Variants in TDRD3 observed in about 807,000 individuals in gnomAD.
The protein encoded by TDRD3 is tudor domain containing 3, also known as tudor domain-containing protein 3.
A neutral mutation model predicts 86.7 loss-of-function variants in TDRD3; 45 were observed. The observed-to-expected ratio is 0.52, with a 90% CI of 0.41 to 0.67. The LOEUF is 0.67. Among genes scored for constraint, TDRD3 ranks in the 30% least tolerant of loss-of-function variants. TDRD3 has a pLI of 0.00. For missense variants in TDRD3, 814 were observed against 889.0 expected, an observed-to-expected ratio of 0.92 and a Z score of 1.07; for synonymous variants, 298 against 301.7, an observed-to-expected ratio of 0.99 and a Z score of 0.13.
At chr13:60,487,439 G>C (rs2137523814) in intron 7 of TDRD3, among the ~76,000 whole-genome samples, 1 of 152,188 alleles carries the variant, frequency 6.6e-6, no homozygotes, top group East Asian at 1.9e-4. Context: ...TTGCACCATT[G>C]CGCTCCAGCC....
At chr13:60,470,486 T>C (rs1210107028) in intron 5 of TDRD3, among the ~76,000 whole-genome samples, 3 of 152,198 alleles carry the variant, frequency 2.0e-5, no homozygotes, top group Non-Finnish European at 4.4e-5. Flanking sequence ...ACCAGGATAT[T>C]ACAGGGGTTC....
At chr13:60,532,711 C>T (rs1329823056) in intron 11 of TDRD3, among the ~76,000 whole-genome samples, 2 of 152,148 alleles carry the variant, frequency 1.3e-5, no homozygotes, top group Admixed American at 1.3e-4. Context: ...GAAAGTTCTT[C>T]TTCCTGTAGA....
At chr13:60,544,694 G>A (rs1957898595) in intron 12 of TDRD3, among the ~76,000 whole-genome samples, 1 of 152,026 alleles carries the variant, frequency 6.6e-6, no homozygotes, top group Non-Finnish European at 1.5e-5. Flanking sequence ...ACTCTTATTA[G>A]TACTTAACTG....
At chr13:60,555,370 C>A (rs1343274209) in intron 12 of TDRD3, among the ~76,000 whole-genome samples, 1 of 152,158 alleles carries the variant, frequency 6.6e-6, no homozygotes, top group East Asian at 1.9e-4. Flanking sequence ...GTGCTTGACA[C>A]CATGTATAAC....
chr13:60,537,165 T>C (rs772776009), intron 12 of TDRD3: 1 of 152,130 alleles, frequency 6.6e-6, no homozygotes, highest in Non-Finnish European at 1.5e-5. Context: ...CTAAATCTTT[T>C]GGAGATTCTG....
intron 10 of TDRD3, among the ~76,000 whole-genome samples, chr13:60,526,513 A>C (rs1343755451): frequency 6.6e-6 from 1 of 152,126 alleles, no homozygotes; most frequent in East Asian, 1.9e-4. Flanking sequence ...CAGAAACTAA[A>C]AGTGACCATT....
At chr13:60,507,421 A>G (rs1397097675) in intron 8 of TDRD3, among the ~76,000 whole-genome samples, 1 of 152,132 alleles carries the variant, frequency 6.6e-6, no homozygotes, top group Non-Finnish European at 1.5e-5. Flanking sequence ...TCATACTTTA[A>G]AATTGACCAC....
At chr13:60,500,674 C>T (rs779837992) in intron 8 of TDRD3, among the ~76,000 whole-genome samples, 27 of 152,170 alleles carry the variant, frequency 1.8e-4, no homozygotes, top group Non-Finnish European at 3.8e-4. Context: ...GATTTATGGG[C>T]TGTAGCCAAT....
chr13:60,495,850 G>A (rs1454846341), intron 8 of TDRD3, among the ~76,000 whole-genome samples: 1 of 152,058 alleles, frequency 6.6e-6, no homozygotes, highest in Non-Finnish European at 1.5e-5. Flanking sequence ...GTTTGTGGAG[G>A]GTCAGAATCT....
chr13:60,525,166 CTTTTT>C (rs71199006), intron 10 of TDRD3, among the ~76,000 whole-genome samples: 1 of 56,092 alleles, frequency 1.8e-5, no homozygotes, highest in Non-Finnish European at 3.2e-5. Flanking sequence ...TAAGGGAATT[CTTTTT>C]TTTTTTTTTT....
intron 1 of TDRD3, among the ~76,000 whole-genome samples, chr13:60,420,589 T>C (rs532216825): frequency 6.6e-6 from 1 of 152,242 alleles, no homozygotes; most frequent in East Asian, 1.9e-4. Flanking sequence ...TTCAGGTATT[T>C]CAGTGACATT....
intron 2 of TDRD3, among the ~76,000 whole-genome samples, chr13:60,442,467 A>G (rs1487782842): frequency 6.6e-6 from 1 of 151,876 alleles, no homozygotes; most frequent in Admixed American, 6.6e-5. Context: ...TTACAGGCTA[A>G]AAGTTTTCCT....
intron 10 of TDRD3, among the ~76,000 whole-genome samples, chr13:60,524,008 G>C (rs897649104): frequency 6.6e-6 from 1 of 151,024 alleles, no homozygotes; most frequent in Non-Finnish European, 1.5e-5. Context: ...AAAATGTGAT[G>C]CATTGTACTC....
At chr13:60,454,212 A>G (rs1408740869) in intron 3 of TDRD3, among the ~76,000 whole-genome samples, 1 of 152,108 alleles carries the variant, frequency 6.6e-6, no homozygotes, top group Non-Finnish European at 1.5e-5. Context: ...TGTATTTTGA[A>G]ATTTGTAGAG....
chr13:60,484,703 G>A (rs1414432046), intron 6 of TDRD3: 1 of 453,856 alleles, frequency 2.2e-6, no homozygotes, highest in Non-Finnish European at 4.4e-6. Context: ...TTTGGAAGAA[G>A]AAATAGCCAA....
rs749028045 is a variant in TDRD3 at position 60,557,820 on chromosome 13, A to ATTTTTTTTTTTTTTTT, written c.2119-9698_2119-9683dup. Reference sequence around the variant, plus strand: ...GGCATAAAGGATTTTTTTTTTCCTGATTTTTTTTTTTTTTTTTTTTTTGAG... The same window carrying ATTTTTTTTTTTTTTTT: ...GGCATAAAGGATTTTTTTTTTCCTGATTTTTTTTTTTTTTTTTTTTTTTTTTTTTTTTTTTTTTGAG... On this transcript the variant is annotated intron_variant, in intron 12 of 13. Coordinates refer to ENST00000377881, the MANE Select transcript of TDRD3 (RefSeq NM_001146070.2). Among the ~76,000 whole-genome samples the ATTTTTTTTTTTTTTTT allele has an allele frequency of 1.7e-4, 15 of 88,278 alleles. 2 individuals are homozygous for ATTTTTTTTTTTTTTTT. Among genetic ancestry groups the ATTTTTTTTTTTTTTTT allele is most frequent in the Non-Finnish European group, 2.2e-4 (10 of 45,044 alleles). The allele number at this position is 88,278 out of a possible 152,430, so 57.9% of individuals were successfully genotyped here. A position where few individuals can be genotyped will look rare whatever the true frequency, so the allele number is the denominator to read the frequency against.
intron 10 of TDRD3, among the ~76,000 whole-genome samples, chr13:60,522,696 G>T (rs1957315459): frequency 6.6e-6 from 1 of 152,158 alleles, no homozygotes; most frequent in African/African-American, 2.4e-5. Flanking sequence ...TAGAAGTTTA[G>T]GTTTTTCTGC....
intron 12 of TDRD3, among the ~76,000 whole-genome samples, chr13:60,566,026 C>T (rs1327746304): frequency 2.0e-5 from 3 of 152,110 alleles, no homozygotes; most frequent in Non-Finnish European, 4.4e-5. Context: ...TTTAATTATA[C>T]CAGATATATT....
At chr13:60,417,543 T>G (rs930002082) in intron 1 of TDRD3, among the ~76,000 whole-genome samples, 3 of 151,760 alleles carry the variant, frequency 2.0e-5, no homozygotes, top group Non-Finnish European at 4.4e-5. Flanking sequence ...AGTTTCACCA[T>G]GTTGGCCAGG....
Sources: gnomAD v4.1 joint callset for allele counts (sites outside exome capture counted in the v4.1 genomes callset) on GRCh38, gnomAD v4.1.1 for gene constraint, MANE v1.5 for transcripts, NCBI Gene and HGNC (gene_info 2026-07-23, HGNC 2026-07-21) for gene names.